GBE1: variants seen among roughly 807,000 people sequenced by gnomAD.
GBE1 encodes 1,4-alpha-glucan branching enzyme 1, also known as 1,4-alpha-glucan-branching enzyme.
GBE1 carries 70 observed loss-of-function variants against 88.8 expected under a neutral mutation model. That is an observed-to-expected ratio of 0.79 (90% CI 0.65 to 0.96). The LOEUF is 0.96. Among genes scored for constraint, GBE1 ranks in the 40% least tolerant of loss-of-function variants. GBE1 has a pLI of 0.00. For missense variants in GBE1, 872 were observed against 871.0 expected, an observed-to-expected ratio of 1.00 and a Z score of -0.01; for synonymous variants, 284 against 300.1, an observed-to-expected ratio of 0.95 and a Z score of 0.56.
intron 14 of GBE1, among the ~76,000 whole-genome samples, chr3:81,508,272 C>T (rs1702680869): frequency 6.6e-6 from 1 of 152,024 alleles, no homozygotes; most frequent in Non-Finnish European, 1.5e-5. Flanking sequence ...GATTATATAA[C>T]TTAAACTAAA....
At chr3:81,717,556 A>G (rs1015057233) in intron 1 of GBE1, among the ~76,000 whole-genome samples, 1 of 152,208 alleles carries the variant, frequency 6.6e-6, no homozygotes, top group African/African-American at 2.4e-5. Flanking sequence ...CAAAAATGCT[A>G]TCCTCACCAC....
chr3:81,688,433 A>G (rs1337305456), intron 2 of GBE1, among the ~76,000 whole-genome samples: 1 of 152,036 alleles, frequency 6.6e-6, no homozygotes, highest in Non-Finnish European at 1.5e-5. Flanking sequence ...TTACTAAAAG[A>G]AATTTTCACC....
chr3:81,700,525 T>A (rs556319849), intron 2 of GBE1, among the ~76,000 whole-genome samples: 1 of 152,306 alleles, frequency 6.6e-6, no homozygotes, highest in South Asian at 2.1e-4. Context: ...CAAATTGCTA[T>A]CAACATTCCT....
intron 1 of GBE1, among the ~76,000 whole-genome samples, chr3:81,745,124 C>A (rs1455031343): frequency 6.6e-6 from 1 of 151,954 alleles, no homozygotes; most frequent in African/African-American, 2.4e-5. Flanking sequence ...AGTGCCTGTG[C>A]CAAAGAGAGT....
chr3:81,508,682 CG>C (rs765089882), intron 14 of GBE1, among the ~76,000 whole-genome samples: 2 of 152,040 alleles, frequency 1.3e-5, no homozygotes, highest in East Asian at 3.9e-4. Flanking sequence ...TAATTGGAAA[CG>C]GGGACGTCTC....
At chr3:81,661,153 A>C (rs1705024650) in intron 3 of GBE1, among the ~76,000 whole-genome samples, 1 of 152,180 alleles carries the variant, frequency 6.6e-6, no homozygotes, top group East Asian at 1.9e-4. Context: ...AAAAAATGTG[A>C]GAAAGTGTTC....
At chr3:81,702,256 G>A (rs1022156423) in intron 2 of GBE1, among the ~76,000 whole-genome samples, 5 of 151,478 alleles carry the variant, frequency 3.3e-5, no homozygotes, top group Admixed American at 1.3e-4. Flanking sequence ...ACTGACCCAC[G>A]TGTATATCTT....
intron 7 of GBE1, among the ~76,000 whole-genome samples, chr3:81,603,621 A>G (rs13316326): frequency 0.16 from 24,135 of 151,958 alleles, 2,058 homozygotes; most frequent in Non-Finnish European, 0.21. Flanking sequence ...CAGCCTCCCA[A>G]GTAGCTGGGA....
chr3:81,535,306 T>C lies in GBE1; in HGVS notation c.1823A>G (p.His608Arg), dbSNP rs766732634. 12 of 1,609,236 alleles carry C rather than the reference T, an allele frequency of 7.5e-6. No homozygotes were observed. Among genetic ancestry groups the C allele is most frequent in the Non-Finnish European group, 9.3e-6 (11 of 1,177,994 alleles). Reference protein sequence around the residue: ...AAPQAYVSEKHEGNKIIAFER... With the variant: ...AAPQAYVSEKREGNKIIAFER... ...AAAAGCAATGATCTTATTGCCTTCA[T>C]GTTTTTCACTCACGTAGGCCTGCAA... Residue 608 changes from histidine to arginine, a missense_variant, in exon 14 of 16, where the codon CAT becomes CGT. Physicochemically the swap from His to Arg is conservative, Grantham distance 29. Transcript: ENST00000429644.
chr3:81,632,197 T>C (rs1704523134), intron 7 of GBE1, among the ~76,000 whole-genome samples: 1 of 152,214 alleles, frequency 6.6e-6, no homozygotes, highest in Non-Finnish European at 1.5e-5. Context: ...ATTTTCTTTA[T>C]CCAGTCTAAT....
intron 7 of GBE1, among the ~76,000 whole-genome samples, chr3:81,617,725 C>T (rs1704269494): frequency 6.6e-6 from 1 of 151,876 alleles, no homozygotes; most frequent in Admixed American, 6.6e-5. Flanking sequence ...GCAATACTGG[C>T]TTCATAAAAT....
At chr3:81,746,980 C>A (rs1706427284) in intron 1 of GBE1, among the ~76,000 whole-genome samples, 1 of 152,100 alleles carries the variant, frequency 6.6e-6, no homozygotes, top group African/African-American at 2.4e-5. Context: ...GGTCAGGTCG[C>A]TTCTCAATAC....
chr3:81,660,725 C>A (rs980946731), intron 3 of GBE1, among the ~76,000 whole-genome samples: 3 of 151,808 alleles, frequency 2.0e-5, no homozygotes, highest in Non-Finnish European at 4.4e-5. Context: ...AAAACACACA[C>A]ACATACACTG....
intron 1 of GBE1, among the ~76,000 whole-genome samples, chr3:81,736,344 T>A (rs1399025328): frequency 6.6e-6 from 1 of 152,166 alleles, no homozygotes; most frequent in Non-Finnish European, 1.5e-5. Context: ...TGAACCCAAG[T>A]TTGAATCAAA....
intron 7 of GBE1, among the ~76,000 whole-genome samples, chr3:81,622,608 A>G (rs887319175): frequency 2.0e-5 from 3 of 152,162 alleles, no homozygotes; most frequent in African/African-American, 7.2e-5. Flanking sequence ...TGCCTACTCA[A>G]TATTTCCACT....
intron 1 of GBE1, among the ~76,000 whole-genome samples, chr3:81,735,852 T>C (rs1202210982): frequency 6.6e-6 from 1 of 152,104 alleles, no homozygotes; most frequent in East Asian, 1.9e-4. Flanking sequence ...CAGCTAGAAT[T>C]TCCCCAGTTA....
chr3:81,500,118 A>G (rs985419961), intron 14 of GBE1, among the ~76,000 whole-genome samples: 1 of 152,204 alleles, frequency 6.6e-6, no homozygotes, highest in African/African-American at 2.4e-5. Flanking sequence ...ACCCTTGAAA[A>G]TCTTTGTCTA....
intron 3 of GBE1, among the ~76,000 whole-genome samples, chr3:81,657,363 T>A (rs1321424466): frequency 6.7e-6 from 1 of 149,020 alleles, no homozygotes; most frequent in African/African-American, 2.5e-5. Context: ...ACTATTTAAG[T>A]AAACAGATAA....
Position 81,586,078 on chromosome 3 carries a change from A to C in GBE1, c.1335+14T>G, listed in dbSNP as rs768099184. 5.9e-6 allele frequency: 9 copies of C among 1,517,946 alleles called. No individual in the cohort carries two copies. The Admixed American group carries it at 1.2e-4, about 21-fold the overall frequency. The allele number at this position is 1,517,946 out of a possible 1,614,324, so 94.0% of individuals were successfully genotyped here. ...GTATTCACAGAAACAAAAAATATTT[A>C]CATGGACTCTTACCTGAATCCACTT... On this transcript the variant is annotated intron_variant, in intron 10 of 15. Coordinates refer to ENST00000429644, the MANE Select transcript of GBE1 (RefSeq NM_000158.4).
Sources: gnomAD v4.1 joint callset for allele counts (sites outside exome capture counted in the v4.1 genomes callset) on GRCh38, gnomAD v4.1.1 for gene constraint, MANE v1.5 for transcripts, NCBI Gene and HGNC (gene_info 2026-07-23, HGNC 2026-07-21) for gene names.